Variants in USH2A observed in about 807,000 individuals in gnomAD.
USH2A encodes the protein usherin.
Under a neutral mutation model 538.9 loss-of-function variants are expected in USH2A, and 443 were observed. That is an observed-to-expected ratio of 0.82 (90% CI 0.76 to 0.89). The LOEUF (loss-of-function observed/expected upper bound fraction) is 0.89. Ranked by LOEUF, USH2A falls within the 40% of genes least tolerant of loss-of-function variation. USH2A has a pLI of 0.00. For missense variants in USH2A, 6,633 were observed against 6,324.8 expected (o/e 1.05, Z -1.65); for synonymous variants, 2,413 against 2,273.5 (o/e 1.06, Z -1.75).
At chr1:215,734,321 G>C (rs891990221) in intron 60 of USH2A, among the ~76,000 whole-genome samples, 1 of 152,202 alleles carries the variant, frequency 6.6e-6, no homozygotes, top group Admixed American at 6.5e-5. Context: ...CAGGGCAGCA[G>C]GGCTCTGGGC....
At chr1:215,999,251 A>T (rs1668210066) in intron 33 of USH2A, among the ~76,000 whole-genome samples, 193 bp from the exon 34 acceptor site, 1 of 152,232 alleles carries the variant, frequency 6.6e-6, no homozygotes, top group Non-Finnish European at 1.5e-5. Context: ...AGGAAATGTG[A>T]TATGGCTCCT....
chr1:216,174,885 G>T (rs2034343668), intron 21 of USH2A: 1 of 1,075,166 alleles, frequency 9.3e-7, no homozygotes, highest in Non-Finnish European at 1.1e-6. Flanking sequence ...TGCATACTGA[G>T]AATCTCCAAT....
chr1:216,024,497 T>G (rs561664671), intron 32 of USH2A, among the ~76,000 whole-genome samples: 2 of 152,098 alleles, frequency 1.3e-5, no homozygotes, highest in Admixed American at 1.3e-4. Context: ...TTCTCATTAA[T>G]GAATGTTCAT....
intron 64 of USH2A, among the ~76,000 whole-genome samples, chr1:215,667,288 G>T (rs964086500): frequency 6.6e-6 from 1 of 152,190 alleles, no homozygotes; most frequent in African/African-American, 2.4e-5. Context: ...CTTCAAAGGA[G>T]CTAGTTATCA....
chr1:216,224,630 T>A (rs1216004399), intron 14 of USH2A, among the ~76,000 whole-genome samples: 1 of 152,192 alleles, frequency 6.6e-6, no homozygotes, highest in Non-Finnish European at 1.5e-5. Context: ...TTTTTGTTGT[T>A]GGTTGTGTAG....
chr1:216,330,356 G>A (rs1007978265), intron 4 of USH2A, among the ~76,000 whole-genome samples: 1 of 152,094 alleles, frequency 6.6e-6, no homozygotes, highest in South Asian at 2.1e-4. Context: ...ATTAGAGCAG[G>A]TTGGAGAGCA....
intron 16 of USH2A, among the ~76,000 whole-genome samples, chr1:216,203,254 T>C (rs2035037966): frequency 6.6e-6 from 1 of 151,990 alleles, no homozygotes; most frequent in East Asian, 1.9e-4. Context: ...TATACACATA[T>C]ATATACATAC....
rs563073081 is a variant in USH2A at position 216,367,775 on chromosome 1, G to A, written c.652-2690C>T. On this transcript the variant is annotated intron_variant, in intron 3 of 71. Transcript: ENST00000307340. ...ATTCTCTAAACTATTTTACAATTCT[G>A]ATCTGGGGCCCCATCACCCTGAAGC... Among the ~76,000 whole-genome samples the A allele has an allele frequency of 8.5e-5, 13 of 152,174 alleles. 1 individual carries two copies. In the South Asian group the frequency reaches 2.7e-3, roughly 32 times the overall value.
chr1:215,998,245 CA>C (rs1668183698), intron 34 of USH2A, among the ~76,000 whole-genome samples: 1 of 151,884 alleles, frequency 6.6e-6, no homozygotes. Context: ...TATATTTCAT[CA>C]AAAAACAAAA....
chr1:215,782,619 C>G, intron 53 of USH2A, 119 bp downstream of exon 53: 1 of 1,076,918 alleles, frequency 9.3e-7, no homozygotes, highest in Non-Finnish European at 1.4e-6. Flanking sequence ...TTCCCTTTAT[C>G]GGAACATACT....
At chr1:216,389,707 C>A (rs1014231958) in intron 3 of USH2A, among the ~76,000 whole-genome samples, 1 of 152,004 alleles carries the variant, frequency 6.6e-6, no homozygotes, top group East Asian at 1.9e-4. Flanking sequence ...AATAATTAGC[C>A]CATTTTCTTC....
Position 215,728,155 on chromosome 1 carries a change from C to G in USH2A, c.11941G>C (p.Val3981Leu), listed in dbSNP as rs1181515573. The part of the protein sequence containing the change: ...PWAQATSAHS[V>L]LLNWTKPESP... ...TCTGGCTTTGTCCAATTCAACAGAA[C>G]TGAATGAGCACTCGTGGCTTGAGCC... is the stretch of plus-strand genomic sequence containing the variant. The change falls in exon 61 of 72, where the codon GTT (valine) becomes CTT (leucine). Residue 3981 changes from valine (V) to leucine (L), a missense_variant. Physicochemically the swap from Val to Leu is conservative, Grantham distance 32. Coordinates refer to ENST00000307340, the MANE Select transcript of USH2A (RefSeq NM_206933.4). 4 of 1,614,070 alleles carry G rather than the reference C, an allele frequency of 2.5e-6. No homozygotes were observed. The South Asian group carries it at 4.4e-5, about 18-fold the overall frequency.
intron 30 of USH2A, among the ~76,000 whole-genome samples, chr1:216,052,277 T>C (rs1429248342): frequency 6.6e-6 from 1 of 151,744 alleles, no homozygotes; most frequent in Non-Finnish European, 1.5e-5. Flanking sequence ...TCAAGCCATT[T>C]ATCAAAGTGC....
At chr1:215,820,349 A>T (rs1662977487) in intron 47 of USH2A, among the ~76,000 whole-genome samples, 1 of 151,506 alleles carries the variant, frequency 6.6e-6, no homozygotes, top group Non-Finnish European at 1.5e-5. Flanking sequence ...CAAAGTCTCT[A>T]GGTTGAATTG....
At chr1:216,150,204 G>A (rs1413113670) in intron 21 of USH2A, among the ~76,000 whole-genome samples, 4 of 152,010 alleles carry the variant, frequency 2.6e-5, no homozygotes, top group African/African-American at 9.7e-5. Flanking sequence ...TTACACTGCT[G>A]GTTTACACTG....
intron 21 of USH2A, among the ~76,000 whole-genome samples, chr1:216,113,750 T>A (rs1009536491): frequency 3.9e-5 from 6 of 152,110 alleles, no homozygotes; most frequent in South Asian, 2.1e-4. Context: ...TTTATTTTTG[T>A]TTTAAAATCT....
At chr1:215,902,351 G>T (rs1187535568) in intron 38 of USH2A, among the ~76,000 whole-genome samples, 2 of 152,128 alleles carry the variant, frequency 1.3e-5, no homozygotes, top group Non-Finnish European at 2.9e-5. Flanking sequence ...TAGATTACAT[G>T]TTTCATCAAT....
At chr1:216,340,882 A>T (rs1373794521) in intron 4 of USH2A, among the ~76,000 whole-genome samples, 1 of 152,166 alleles carries the variant, frequency 6.6e-6, no homozygotes, top group Non-Finnish European at 1.5e-5. Flanking sequence ...ACCCACAGCC[A>T]ATATTATACT....
intron 50 of USH2A, among the ~76,000 whole-genome samples, chr1:215,797,081 G>T (rs1466943850): frequency 6.6e-6 from 1 of 152,090 alleles, no homozygotes; most frequent in Non-Finnish European, 1.5e-5. Flanking sequence ...TTGCTGATAT[G>T]AAGACACTTT....
Sources: gnomAD v4.1 joint callset for allele counts (sites outside exome capture counted in the v4.1 genomes callset) on GRCh38, gnomAD v4.1.1 for gene constraint, MANE v1.5 for transcripts, NCBI Gene and HGNC (gene_info 2026-07-23, HGNC 2026-07-21) for gene names.